PRNP: variants seen among roughly 807,000 people sequenced by gnomAD.
PRNP encodes prion protein (Kanno blood group), also known as major prion protein.
Under a neutral mutation model 21.3 loss-of-function variants are expected in PRNP, and 15 were observed. That is an observed-to-expected ratio of 0.71 (90% CI 0.47 to 1.09). The LOEUF (loss-of-function observed/expected upper bound fraction) is 1.09, where lower values mean the gene tolerates loss of function less well. PRNP is among the 50% of genes least tolerant of loss of function. PRNP has a pLI of 0.00. For synonymous variants in PRNP, 121 were observed against 123.1 expected (o/e 0.98, Z 0.11); for missense variants, 285 against 340.9 (o/e 0.84, Z 1.29).
chr20:4,700,153 C>CTGAGA lies in PRNP; in HGVS notation c.*174_*178dup. 6.5e-7 allele frequency: 1 copy of CTGAGA among 1,543,232 alleles called. No homozygotes were observed. Among genetic ancestry groups the CTGAGA allele is most frequent in the South Asian group, 1.2e-5 (1 of 83,104 alleles). The stretch of plus-strand genomic sequence containing the variant: ...GGGCACTGGAAAACATAGAGTAGAC[C>CTGAGA]TGAGATGCTGGTCAAGCCCCCTTTG... On this transcript the variant is annotated 3_prime_UTR_variant, in exon 2 of 2. Coordinates refer to ENST00000379440, the MANE Select transcript of PRNP (RefSeq NM_000311.5). The surrounding 1 kb of genome is among the most constrained non-coding windows in gnomAD (Gnocchi z 4.1).
chr20:4,693,185 T>G (rs1294681099), intron 1 of PRNP, among the ~76,000 whole-genome samples: 3 of 152,242 alleles, frequency 2.0e-5, no homozygotes, highest in East Asian at 3.9e-4. Context: ...AACCAGCAGG[T>G]CTTATTGGCT....
intron 1 of PRNP, among the ~76,000 whole-genome samples, chr20:4,691,022 G>A (rs1219870105): frequency 2.0e-5 from 3 of 152,154 alleles, no homozygotes; most frequent in African/African-American, 7.2e-5. Flanking sequence ...TATGCCAACA[G>A]TGAACTATCA....
intron 1 of PRNP, among the ~76,000 whole-genome samples, chr20:4,695,352 T>C (rs113133656): frequency 1.2e-4 from 18 of 152,242 alleles, no homozygotes; most frequent in African/African-American, 4.3e-4. Flanking sequence ...GTTCTTATCA[T>C]TTAGGTCCCA....
In PRNP at chr20:4,700,145, G is replaced by C; in HGVS notation, c.*163G>C. The C allele has an allele frequency of 6.5e-7, 1 of 1,545,892 alleles. No homozygotes were observed. Among genetic ancestry groups the C allele is most frequent in the Admixed American group, 2.0e-5 (1 of 50,950 alleles). ...GCACTGATGGGCACTGGAAAACATA[G>C]AGTAGACCTGAGATGCTGGTCAAGC... On this transcript the variant is annotated 3_prime_UTR_variant, in exon 2 of 2. Transcript: ENST00000379440. The surrounding 1 kb of genome is among the most constrained non-coding windows in gnomAD (Gnocchi z 4.1).
chr20:4,692,013 A>G (rs1921858861), intron 1 of PRNP, among the ~76,000 whole-genome samples: 1 of 151,964 alleles, frequency 6.6e-6, no homozygotes, highest in South Asian at 2.1e-4. Context: ...CTCCTTATTT[A>G]TTTTCTTTCT....
intron 1 of PRNP, among the ~76,000 whole-genome samples, chr20:4,696,126 T>C (rs937930406): frequency 2.6e-5 from 4 of 152,228 alleles, no homozygotes; most frequent in African/African-American, 9.6e-5. Context: ...GACCTTATTA[T>C]TCATGGACAT....
In PRNP at chr20:4,700,331, CCTCTGG is replaced by C. The variant is rs1922526030; in HGVS notation, c.*353_*358del. On this transcript the variant is annotated 3_prime_UTR_variant, in exon 2 of 2. Coordinates refer to ENST00000379440, the MANE Select transcript of PRNP (RefSeq NM_000311.5). The surrounding 1 kb of genome is among the most constrained non-coding windows in gnomAD (Gnocchi z 4.1). Reference sequence around the variant, plus strand: ...AGTCTGAAATACCTTTGCCTGGATACCTCTGGCTCCTTCAGCAGCTAGAGCTCAGTA... The same window carrying C: ...AGTCTGAAATACCTTTGCCTGGATACCTCCTTCAGCAGCTAGAGCTCAGTA... The C allele has an allele frequency of 2.2e-6, 1 of 457,408 alleles. No individual in the cohort carries two copies. Among genetic ancestry groups the C allele is most frequent in the African/African-American group, 2.0e-5 (1 of 49,670 alleles). 28.3% of individuals were successfully genotyped at this position (457,408 alleles called of 1,614,324 possible). A position where few individuals can be genotyped will look rare whatever the true frequency, so the allele number is the denominator to read the frequency against.
rs1921765101 is a variant in PRNP at position 4,690,647 on chromosome 20, A to G, written c.-11+4135A>G. Among the ~76,000 whole-genome samples the G allele has an allele frequency of 2.0e-5, 3 of 152,192 alleles. No homozygotes were observed. In the South Asian group the frequency reaches 6.2e-4, roughly 31 times the overall value. ...TGAGTATAATTTCATAATGTCTTTTAAAATCTCTTTTGAATTCTTTTTCAA... is the reference window on the plus strand; with the variant it reads ...TGAGTATAATTTCATAATGTCTTTTGAAATCTCTTTTGAATTCTTTTTCAA... On this transcript the variant is annotated intron_variant, in intron 1 of 1. Coordinates refer to ENST00000379440, the MANE Select transcript of PRNP (RefSeq NM_000311.5).
intron 1 of PRNP, among the ~76,000 whole-genome samples, chr20:4,695,406 T>A (rs140589539): frequency 6.6e-6 from 1 of 152,288 alleles, no homozygotes; most frequent in Non-Finnish European, 1.5e-5. Flanking sequence ...TGTTCCTGTG[T>A]CAGTTTGCAT....
Position 4,699,827 on chromosome 20 carries a change from G to C in PRNP, c.607G>C (p.Val203Leu). The C allele has an allele frequency of 6.2e-7, 1 of 1,613,896 alleles. No individual in the cohort carries two copies. Among genetic ancestry groups the C allele is most frequent in the East Asian group, 2.2e-5 (1 of 44,840 alleles). The change falls in exon 2 of 2, where the codon GTT becomes CTT. Residue 203 changes from valine (V) to leucine (L), a missense_variant. Val to Leu is a conservative substitution (Grantham distance 32). Coordinates refer to ENST00000379440, the MANE Select transcript of PRNP (RefSeq NM_000311.5). This position sits in a 1 kb window ranked among gnomAD's most constrained non-coding sequence, Gnocchi z 5.8. The stretch of plus-strand genomic sequence containing the variant: ...GGGGGAGAACTTCACCGAGACCGAC[G>C]TTAAGATGATGGAGCGCGTGGTTGA... ...TKGENFTETD[V>L]KMMERVVEQM...
Position 4,699,126 on chromosome 20 carries a change from G to A in PRNP, c.-10-85G>A. ...TTTCTACTGAGCAGCTGATACCATT[G>A]CTATGCACTCATTCATTATGCAGGA... On this transcript the variant is annotated intron_variant, in intron 1 of 1. Transcript: ENST00000379440. The surrounding 1 kb of genome is among the most constrained non-coding windows in gnomAD (Gnocchi z 5.8). 6.7e-7 allele frequency: 1 copy of A among 1,499,042 alleles called. No individual in the cohort carries two copies. Among genetic ancestry groups the A allele is most frequent in the Non-Finnish European group, 9.3e-7 (1 of 1,078,264 alleles). The allele number at this position is 1,499,042 out of a possible 1,614,324, so 92.9% of individuals were successfully genotyped here. A position where few individuals can be genotyped will look rare whatever the true frequency, so the allele number is the denominator to read the frequency against.
Position 4,699,077 on chromosome 20 carries a change from G to T in PRNP, c.-10-134G>T. 1 of 1,081,844 alleles carries T rather than the reference G, an allele frequency of 9.2e-7. No individual in the cohort carries two copies. 67.0% of individuals were successfully genotyped at this position (1,081,844 alleles called of 1,614,324 possible). A position where few individuals can be genotyped will look rare whatever the true frequency, so the allele number is the denominator to read the frequency against. On this transcript the variant is annotated intron_variant, in intron 1 of 1. Transcript: ENST00000379440. The surrounding 1 kb of genome is among the most constrained non-coding windows in gnomAD (Gnocchi z 5.8). ...TTTTGCTTTTGTCCTAAGTGCTTCA[G>T]AGAAGTACAGGGTGGCAACAGTGTT... is the stretch of plus-strand genomic sequence containing the variant.
intron 1 of PRNP, among the ~76,000 whole-genome samples, chr20:4,692,701 T>C (rs939300638): frequency 6.6e-6 from 1 of 152,226 alleles, no homozygotes; most frequent in Non-Finnish European, 1.5e-5. Flanking sequence ...TCCTAACCTA[T>C]TAATAGAGCT....
chr20:4,689,697 G>A (rs1189093868), intron 1 of PRNP, among the ~76,000 whole-genome samples: 1 of 152,158 alleles, frequency 6.6e-6, no homozygotes, highest in Non-Finnish European at 1.5e-5. Context: ...AAACATGTCT[G>A]TATCTAACCC....
chr20:4,699,938 G>A lies in PRNP; in HGVS notation c.718G>A (p.Val240Met), dbSNP rs1922487730. ...CATGGTCCTCTTCTCCTCTCCACCTGTGATCCTCCTGATCTCTTTCCTCAT... is the reference window on the plus strand; with the variant it reads ...CATGGTCCTCTTCTCCTCTCCACCTATGATCCTCCTGATCTCTTTCCTCAT... Reference protein sequence around the residue: ...SSMVLFSSPPVILLISFLIFL... With the variant: ...SSMVLFSSPPMILLISFLIFL... Residue 240 changes from valine (V) to methionine (M), a missense_variant, in exon 2 of 2, where the codon GTG becomes ATG. Physicochemically the swap from Val to Met is conservative, Grantham distance 21. Coordinates refer to ENST00000379440, the MANE Select transcript of PRNP (RefSeq NM_000311.5). This position sits in a 1 kb window ranked among gnomAD's most constrained non-coding sequence, Gnocchi z 5.8. 6.2e-7 allele frequency: 1 copy of A among 1,613,620 alleles called. No individual in the cohort carries two copies.
chr20:4,700,254 A>C lies in PRNP; in HGVS notation c.*272A>C. On this transcript the variant is annotated 3_prime_UTR_variant, in exon 2 of 2. Transcript: ENST00000379440. This position sits in a 1 kb window ranked among gnomAD's most constrained non-coding sequence, Gnocchi z 4.1. ...AGCAAATAACCATTGGTTAATCTGGACTTATTTTTGGACTTAGTGCAACAG... is the reference window on the plus strand; with the variant it reads ...AGCAAATAACCATTGGTTAATCTGGCCTTATTTTTGGACTTAGTGCAACAG... The C allele has an allele frequency of 1.8e-6, 2 of 1,099,380 alleles. No homozygotes were observed. Among genetic ancestry groups the C allele is most frequent in the South Asian group, 2.7e-5 (2 of 74,784 alleles). 68.1% of individuals were successfully genotyped at this position (1,099,380 alleles called of 1,614,324 possible). A position where few individuals can be genotyped will look rare whatever the true frequency, so the allele number is the denominator to read the frequency against.
In PRNP at chr20:4,700,594, C is replaced by T; in HGVS notation, c.*612C>T. On this transcript the variant is annotated 3_prime_UTR_variant, in exon 2 of 2. Coordinates refer to ENST00000379440, the MANE Select transcript of PRNP (RefSeq NM_000311.5). This position sits in a 1 kb window ranked among gnomAD's most constrained non-coding sequence, Gnocchi z 4.1. Reference sequence around the variant, plus strand: ...ACTTTTCACAGTATGGGCTACACAGCAGCTGTTCAACAAGAGTAAATATTG... The same window carrying T: ...ACTTTTCACAGTATGGGCTACACAGTAGCTGTTCAACAAGAGTAAATATTG... 1 of 215,268 alleles carries T rather than the reference C, an allele frequency of 4.6e-6. No individual in the cohort carries two copies. The allele number at this position is 215,268 out of a possible 1,614,324, so 13.3% of individuals were successfully genotyped here.
intron 1 of PRNP, among the ~76,000 whole-genome samples, chr20:4,690,829 A>C (rs1167129080): frequency 6.6e-6 from 1 of 152,226 alleles, no homozygotes; most frequent in Non-Finnish European, 1.5e-5. Flanking sequence ...GGACAGTTAG[A>C]CAAGAGAAAG....
Position 4,699,147 on chromosome 20 carries a change from C to T in PRNP, c.-10-64C>T. ...CATTGCTATGCACTCATTCATTATG[C>T]AGGAAACATTTAGTAATTTCAACAT... On this transcript the variant is annotated intron_variant, in intron 1 of 1. Coordinates refer to ENST00000379440, the MANE Select transcript of PRNP (RefSeq NM_000311.5). The surrounding 1 kb of genome is among the most constrained non-coding windows in gnomAD (Gnocchi z 5.8). 1 of 1,579,974 alleles carries T rather than the reference C, an allele frequency of 6.3e-7. No individual in the cohort carries two copies.
Sources: allele counts gnomAD v4.1 joint callset (sites outside exome capture counted in the v4.1 genomes callset), GRCh38; gene constraint gnomAD v4.1.1; non-coding constraint Gnocchi (gnomAD v3.1); transcripts MANE v1.5; gene names NCBI Gene and HGNC (gene_info 2026-07-23, HGNC 2026-07-21).